Variants in ERCC6L2 observed in about 807,000 individuals in gnomAD.
ERCC6L2 encodes ERCC excision repair 6 like 2.
Under a neutral mutation model 132.0 loss-of-function variants are expected in ERCC6L2, and 77 were observed. That is an observed-to-expected ratio of 0.58 (90% confidence interval 0.49 to 0.71). The LOEUF (loss-of-function observed/expected upper bound fraction) is 0.71, where lower values mean the gene tolerates loss of function less well. Among genes scored for constraint, ERCC6L2 ranks in the 30% least tolerant of loss-of-function variants. The pLI, the probability that ERCC6L2 is intolerant of heterozygous loss-of-function variation, is 0.00. For synonymous variants in ERCC6L2, 583 were observed against 632.4 expected (o/e 0.92, Z 1.17); for missense variants, 1,542 against 1,837.6 (o/e 0.84, Z 2.94).
intron 18 of ERCC6L2, among the ~76,000 whole-genome samples, chr9:96,007,663 G>A (rs553839077): frequency 2.0e-5 from 3 of 152,310 alleles, no homozygotes; most frequent in South Asian, 4.1e-4. Context: ...TATCAGCAGA[G>A]CACAGGACCA....
intron 17 of ERCC6L2, among the ~76,000 whole-genome samples, chr9:95,980,407 A>G (rs1207265308): frequency 6.6e-6 from 1 of 152,198 alleles, no homozygotes; most frequent in Non-Finnish European, 1.5e-5. Context: ...TTTTAAAGCC[A>G]CTAAATGGGA....
chr9:95,941,631 T>C, intron 12 of ERCC6L2, 82 bp downstream of exon 12: 2 of 990,118 alleles, frequency 2.0e-6, no homozygotes, highest in Non-Finnish European at 3.1e-6. Context: ...TTGCTTATAC[T>C]ATGACTATGA....
intron 1 of ERCC6L2, among the ~76,000 whole-genome samples, chr9:95,877,447 CA>C (rs1827338692): frequency 6.6e-6 from 1 of 151,936 alleles, no homozygotes; most frequent in African/African-American, 2.4e-5. Context: ...ACTCTTCTTC[CA>C]ATGCAGTTTT....
intron 19 of ERCC6L2, among the ~76,000 whole-genome samples, chr9:96,033,126 C>G (rs923381364): frequency 6.6e-6 from 1 of 152,162 alleles, no homozygotes; most frequent in Admixed American, 6.5e-5. Flanking sequence ...ACCTGCCAGT[C>G]ACCAGTCAAA....
intron 17 of ERCC6L2, among the ~76,000 whole-genome samples, chr9:95,985,611 T>G (rs1013854593): frequency 1.3e-5 from 2 of 152,182 alleles, no homozygotes; most frequent in Admixed American, 6.5e-5. Context: ...CCATGCATCC[T>G]CATATAGCAA....
intron 17 of ERCC6L2, among the ~76,000 whole-genome samples, chr9:95,991,130 T>TG (rs947992711): frequency 1.3e-4 from 20 of 151,716 alleles, no homozygotes; most frequent in African/African-American, 4.4e-4. Flanking sequence ...GGGCCCAGGA[T>TG]GGGGGTAAGG....
intron 3 of ERCC6L2, among the ~76,000 whole-genome samples, chr9:95,904,470 A>T (rs1434970572): frequency 6.6e-6 from 1 of 152,144 alleles, no homozygotes; most frequent in Non-Finnish European, 1.5e-5. Flanking sequence ...TGCTAACAGG[A>T]TATGTCATGG....
intron 2 of ERCC6L2, among the ~76,000 whole-genome samples, chr9:95,896,409 TTTTTTTTTTTTGA>T (rs889563094): frequency 2.3e-4 from 10 of 42,722 alleles, no homozygotes; most frequent in African/African-American, 6.4e-4. Flanking sequence ...TGTTTTTTGA[TTTTTTTTTTTTGA>T]TTTTTTTTTT....
At chr9:95,930,826 T>C (rs954973406) in intron 11 of ERCC6L2, among the ~76,000 whole-genome samples, 3 of 152,198 alleles carry the variant, frequency 2.0e-5, no homozygotes, top group African/African-American at 7.2e-5. Flanking sequence ...TCTAAGTCTT[T>C]GTAATGTGTG....
At chr9:95,992,445 G>T (rs1292622710) in intron 17 of ERCC6L2, among the ~76,000 whole-genome samples, 1 of 152,088 alleles carries the variant, frequency 6.6e-6, no homozygotes, top group East Asian at 1.9e-4. Flanking sequence ...CTTCCATTTG[G>T]TCTTTCTCTG....
chr9:95,907,857 C>CACACACACACAAACACACACACACACACA, intron 4 of ERCC6L2, among the ~76,000 whole-genome samples: 4 of 133,740 alleles, frequency 3.0e-5, no homozygotes, highest in East Asian at 2.4e-4. Context: ...ACACACACAC[C>CACACACACACAAACACACACACACACACA]CCCACACCCA....
intron 19 of ERCC6L2, among the ~76,000 whole-genome samples, chr9:96,028,326 C>T (rs939730568): frequency 6.6e-6 from 1 of 152,152 alleles, no homozygotes; most frequent in African/African-American, 2.4e-5. Context: ...TGAGTAGATG[C>T]CCCATGAGAA....
rs184598909 is a variant in ERCC6L2, at chr9:96,005,852, G to A, written c.3674+1151G>A. On this transcript the variant is annotated intron_variant, in intron 18 of 18. Transcript: ENST00000653738. ...AAGGGGTAACAAGAAGGAACTCGGTGATGGGGGTTTGTACCAGAGTGGTTG... is the reference window on the plus strand; with the variant it reads ...AAGGGGTAACAAGAAGGAACTCGGTAATGGGGGTTTGTACCAGAGTGGTTG... Among the ~76,000 whole-genome samples the A allele has an allele frequency of 3.3e-5, 5 of 152,320 alleles. No homozygotes were observed. The East Asian group carries it at 9.7e-4, about 29-fold the overall frequency.
intron 4 of ERCC6L2, among the ~76,000 whole-genome samples, chr9:95,910,439 T>C (rs1829290560): frequency 6.6e-6 from 1 of 152,218 alleles, no homozygotes; most frequent in East Asian, 1.9e-4. Flanking sequence ...TACTATTATA[T>C]AGCTATCCCA....
At chr9:95,884,272 CAG>C (rs953299031) in intron 2 of ERCC6L2, among the ~76,000 whole-genome samples, 3 of 151,994 alleles carry the variant, frequency 2.0e-5, no homozygotes, top group Non-Finnish European at 4.4e-5. Context: ...TGTTGTAACT[CAG>C]GGAATAATTT....
At chr9:95,899,067 C>G (rs576634213) in intron 3 of ERCC6L2, among the ~76,000 whole-genome samples, 211 of 151,932 alleles carry the variant, frequency 1.4e-3, no homozygotes, top group Non-Finnish European at 2.6e-3. Flanking sequence ...CTCTTTTATG[C>G]CACTGTGACA....
In ERCC6L2 at chr9:96,012,771, A is replaced by G; in HGVS notation, c.4221A>G (p.Thr1407=). 7.3e-7 allele frequency: 1 copy of G among 1,367,668 alleles called. No homozygotes were observed. Among genetic ancestry groups the G allele is most frequent in the Non-Finnish European group, 9.8e-7 (1 of 1,021,846 alleles). 84.7% of individuals were successfully genotyped at this position (1,367,668 alleles called of 1,614,324 possible). The change falls in exon 19 of 19, where the codon ACA becomes ACG. Residue 1407 remains threonine, a synonymous_variant. Transcript: ENST00000653738. ...CCATGAAAGACCAACAGGACCTCACAAGAACGGGCATTTCAAGAAAAGAAC... is the reference window on the plus strand; with the variant it reads ...CCATGAAAGACCAACAGGACCTCACGAGAACGGGCATTTCAAGAAAAGAAC... ...ENTMKDQQDL[T]RTGISRKEPL...
At chr9:95,998,475 A>G (rs141791972) in intron 17 of ERCC6L2, among the ~76,000 whole-genome samples, 29 of 152,342 alleles carry the variant, frequency 1.9e-4, no homozygotes, top group South Asian at 1.0e-3. Flanking sequence ...TAATTAACCC[A>G]CTTTGCTCGT....
At chr9:95,877,425 C>T (rs1490008635) in intron 1 of ERCC6L2, among the ~76,000 whole-genome samples, 1 of 151,950 alleles carries the variant, frequency 6.6e-6, no homozygotes, top group Non-Finnish European at 1.5e-5. Context: ...CTCAATACTC[C>T]CTTCTCATAG....
Sources: allele counts gnomAD v4.1 joint callset (sites outside exome capture counted in the v4.1 genomes callset), GRCh38; gene constraint gnomAD v4.1.1; transcripts MANE v1.5; gene names NCBI Gene and HGNC (gene_info 2026-07-23, HGNC 2026-07-21).